The following HIPK3 variants were observed in gnomAD, a reference collection of about 807,000 sequenced individuals.
HIPK3 encodes the protein homeodomain interacting protein kinase 3.
In HIPK3, 47 loss-of-function variants were observed where a neutral mutation model predicts 124.2. That is an observed-to-expected ratio of 0.38 (90% CI 0.30 to 0.48). HIPK3 has a LOEUF of 0.48. Among genes scored for constraint, HIPK3 ranks in the 20% least tolerant of loss-of-function variants. The pLI is 0.98. For synonymous variants in HIPK3, 482 were observed against 515.2 expected (o/e 0.94, Z 0.87); for missense variants, 1,286 against 1,454.3 (o/e 0.88, Z 1.88).
At chr11:33,304,014 C>A (rs1590379132) in intron 2 of HIPK3, among the ~76,000 whole-genome samples, 1 of 152,146 alleles carries the variant, frequency 6.6e-6, no homozygotes, top group East Asian at 1.9e-4. Flanking sequence ...CATCTTGGCT[C>A]ACTGCAATCT....
chr11:33,324,610 T>G (rs1036075329), intron 2 of HIPK3, among the ~76,000 whole-genome samples: 2 of 152,226 alleles, frequency 1.3e-5, no homozygotes, highest in African/African-American at 4.8e-5. Flanking sequence ...TCAGATGTGC[T>G]GCAGTGCTCA....
intron 3 of HIPK3, among the ~76,000 whole-genome samples, chr11:33,330,439 C>T (rs1852942127): frequency 1.3e-5 from 2 of 152,184 alleles, no homozygotes; most frequent in South Asian, 4.1e-4. Context: ...AGCGATTCTT[C>T]TGCCTCAGCC....
intron 2 of HIPK3, among the ~76,000 whole-genome samples, chr11:33,311,826 GA>G (rs1852346185): frequency 9.7e-6 from 1 of 102,756 alleles, no homozygotes; most frequent in Non-Finnish European, 2.1e-5. Flanking sequence ...AACATAGCAG[GA>G]CCCTGTTTCT....
At chr11:33,312,768 C>G (rs943806100) in intron 2 of HIPK3, among the ~76,000 whole-genome samples, 2 of 152,176 alleles carry the variant, frequency 1.3e-5, no homozygotes, top group Admixed American at 6.5e-5. Context: ...GCACTCTTAA[C>G]TTGTGATGCT....
At chr11:33,329,896 A>G (rs534323328) in intron 3 of HIPK3, among the ~76,000 whole-genome samples, 2 of 152,360 alleles carry the variant, frequency 1.3e-5, no homozygotes, top group South Asian at 4.1e-4. Flanking sequence ...AGATTAGCCT[A>G]TGGCATGCAT....
intron 12 of HIPK3, 95 bp from the exon 13 acceptor site, chr11:33,348,427 T>G (rs1853562308): frequency 8.9e-7 from 1 of 1,125,602 alleles, no homozygotes; most frequent in Non-Finnish European, 1.3e-6. Flanking sequence ...CTCGAACAAG[T>G]GAAGGTTCTC....
intron 2 of HIPK3, among the ~76,000 whole-genome samples, chr11:33,324,064 G>A (rs2133961994): frequency 6.6e-6 from 1 of 152,314 alleles, no homozygotes; most frequent in Non-Finnish European, 1.5e-5. Flanking sequence ...CTTTCTGTAG[G>A]AGTAGGACAG....
At chr11:33,295,705 G>A (rs540347972) in intron 2 of HIPK3, among the ~76,000 whole-genome samples, 20 of 152,260 alleles carry the variant, frequency 1.3e-4, no homozygotes, top group Admixed American at 1.3e-3. Context: ...GTTTTCTCAC[G>A]ATTAGATTCA....
rs562582385 is a variant in HIPK3 at position 33,356,871 on chromosome 11, C to G, written c.*3303C>G. On this transcript the variant is annotated 3_prime_UTR_variant, in exon 17 of 17. Coordinates refer to ENST00000303296, the MANE Select transcript of HIPK3 (RefSeq NM_005734.5). ...TTACGGTTTGCGATAGTATTTCTCT[C>G]TAGTTCTCAGTGATTTAAATGTGAC... The G allele has an allele frequency of 1.3e-5, 2 of 152,228 alleles. No homozygotes were observed. Among genetic ancestry groups the G allele is most frequent in the African/African-American group, 4.8e-5 (2 of 41,562 alleles). The allele number at this position is 152,228 out of a possible 1,614,324, so 9.4% of individuals were successfully genotyped here.
chr11:33,283,955 A>G (rs1211030980), intron 1 of HIPK3, among the ~76,000 whole-genome samples: 4 of 152,178 alleles, frequency 2.6e-5, no homozygotes, highest in Non-Finnish European at 5.9e-5. Flanking sequence ...GAATACAGGC[A>G]TGAGCCACCG....
chr11:33,306,699 C>T (rs1477400858), intron 2 of HIPK3, among the ~76,000 whole-genome samples: 4 of 152,110 alleles, frequency 2.6e-5, no homozygotes, highest in African/African-American at 9.7e-5. Context: ...GAAGGTTAAA[C>T]TCCATAATGT....
At chr11:33,348,918 C>G in intron 13 of HIPK3, 100 bp downstream of exon 13, 1 of 1,166,682 alleles carries the variant, frequency 8.6e-7, no homozygotes, top group Middle Eastern at 2.2e-4. Flanking sequence ...TCAATGTACT[C>G]TGGAGTAAAA....
intron 2 of HIPK3, among the ~76,000 whole-genome samples, chr11:33,291,859 T>A (rs534812130): frequency 6.6e-6 from 1 of 152,306 alleles, no homozygotes; most frequent in East Asian, 1.9e-4. Flanking sequence ...CTCTACTGAG[T>A]AATTTAGCAT....
At chr11:33,352,991 G>A (rs1266009357) in intron 16 of HIPK3, 101 bp from the exon 17 acceptor site, 9 of 693,876 alleles carry the variant, frequency 1.3e-5, no homozygotes, top group East Asian at 5.3e-5. Flanking sequence ...TCCACTATGA[G>A]TTATCAATCA....
chr11:33,335,411 G>A (rs752652677), intron 3 of HIPK3, among the ~76,000 whole-genome samples: 2 of 152,152 alleles, frequency 1.3e-5, no homozygotes, highest in East Asian at 3.9e-4. Flanking sequence ...GAAATTGAGC[G>A]ATTTTTATGT....
intron 2 of HIPK3, among the ~76,000 whole-genome samples, chr11:33,321,435 A>AGATGGAGATCTAG: frequency 6.6e-6 from 1 of 152,294 alleles, no homozygotes; most frequent in Admixed American, 6.5e-5. Context: ...TATTTTTCCA[A>AGATGGAGATCTAG]GATGGAGATC....
Position 33,356,549 on chromosome 11 carries a change from G to A in HIPK3, c.*2981G>A, listed in dbSNP as rs570470849. On this transcript the variant is annotated 3_prime_UTR_variant, in exon 17 of 17. Coordinates refer to ENST00000303296, the MANE Select transcript of HIPK3 (RefSeq NM_005734.5). ...AGCGTGTTTAATTAAATATGTTACT[G>A]TATTAGCAAAACATTTTCATTTTTA... is the stretch of plus-strand genomic sequence containing the variant. 9.3e-5 allele frequency: 14 copies of A among 151,036 alleles called. No individual in the cohort carries two copies. The South Asian group carries it at 2.9e-3, about 32-fold the overall frequency. 9.4% of individuals were successfully genotyped at this position (151,036 alleles called of 1,614,324 possible).
chr11:33,273,472 G>A (rs1230581304), intron 1 of HIPK3, among the ~76,000 whole-genome samples: 58 of 1,778 alleles, frequency 0.033, no homozygotes, highest in East Asian at 0.3. Flanking sequence ...TCACGCCACT[G>A]CACCTCCAGC....
intron 2 of HIPK3, among the ~76,000 whole-genome samples, chr11:33,300,990 T>C (rs1851982838): frequency 6.6e-6 from 1 of 152,172 alleles, no homozygotes; most frequent in Admixed American, 6.5e-5. Context: ...CCCAAAGTGC[T>C]ACAATTACCA....
Sources: gnomAD v4.1 joint callset for allele counts (sites outside exome capture counted in the v4.1 genomes callset) on GRCh38, gnomAD v4.1.1 for gene constraint, MANE v1.5 for transcripts, NCBI Gene and HGNC (gene_info 2026-07-23, HGNC 2026-07-21) for gene names.